Variants in XDH observed in about 807,000 individuals in gnomAD.
XDH encodes xanthine dehydrogenase/oxidase.
XDH carries 138 observed loss-of-function variants against 156.1 expected under a neutral mutation model. The ratio of observed to expected loss-of-function variants is 0.88; its 90% confidence interval spans 0.77 to 1.02. XDH has a LOEUF of 1.02. Among genes scored for constraint, XDH ranks in the 50% least tolerant of loss-of-function variants. The pLI is 0.00. For synonymous variants in XDH, 669 were observed against 625.7 expected, an observed-to-expected ratio of 1.07 and a Z score of -1.03; for missense variants, 1,849 against 1,684.9, an observed-to-expected ratio of 1.10 and a Z score of -1.71.
At chr2:31,413,515 A>G (rs754545995) in intron 1 of XDH, among the ~76,000 whole-genome samples, 18 of 152,212 alleles carry the variant, frequency 1.2e-4, no homozygotes, top group Non-Finnish European at 2.5e-4. Flanking sequence ...ACGTTGAAAC[A>G]GTTCATGAAA....
Position 31,366,118 on chromosome 2 carries a change from G to T in XDH, c.2323-9C>A. ...ATTTTTGCAACAAAGCTCTGTGAGT[G>T]AAAGACAGAACATTCGCACTGAATG... On this transcript the variant is annotated splice_polypyrimidine_tract_variant and intron_variant, in intron 21 of 35. Transcript: ENST00000379416. 6.2e-7 allele frequency: 1 copy of T among 1,614,218 alleles called. No individual in the cohort carries two copies. Among genetic ancestry groups the T allele is most frequent in the Non-Finnish European group, 8.5e-7 (1 of 1,180,046 alleles).
chr2:31,408,164 C>T (rs1369183262), intron 1 of XDH, among the ~76,000 whole-genome samples: 1 of 152,200 alleles, frequency 6.6e-6, no homozygotes, highest in East Asian at 1.9e-4. Flanking sequence ...CTTCTACTTC[C>T]CTGCCAAGCT....
At chr2:31,380,934 T>C (rs886908718) in intron 12 of XDH, among the ~76,000 whole-genome samples, 6 of 152,212 alleles carry the variant, frequency 3.9e-5, no homozygotes, top group African/African-American at 1.4e-4. Flanking sequence ...GTGATGAATT[T>C]TGAGTATTTA....
chr2:31,379,296 G>A (rs1304213291), intron 13 of XDH, among the ~76,000 whole-genome samples: 4 of 152,172 alleles, frequency 2.6e-5, no homozygotes, highest in Admixed American at 1.3e-4. Context: ...AATCCACAGC[G>A]AGGTCAGTGA....
At chr2:31,365,210 A>C (rs569848221) in intron 23 of XDH, among the ~76,000 whole-genome samples, 174 of 152,296 alleles carry the variant, frequency 1.1e-3, no homozygotes, top group Non-Finnish European at 2.2e-3. Flanking sequence ...GCCTGACCAG[A>C]CTCAGAACAC....
At chr2:31,344,149 C>T (rs1328264459) in intron 31 of XDH, among the ~76,000 whole-genome samples, 5 of 152,114 alleles carry the variant, frequency 3.3e-5, no homozygotes, top group East Asian at 1.9e-4. Context: ...AGAAGTCATA[C>T]GCTCTCTTGA....
intron 18 of XDH, among the ~76,000 whole-genome samples, chr2:31,369,681 A>G (rs970604917): frequency 3.9e-5 from 6 of 152,222 alleles, no homozygotes; most frequent in African/African-American, 1.4e-4. Flanking sequence ...AAGTATGTAA[A>G]GCAATTTGTT....
chr2:31,348,720 T>A (rs1221244119), intron 27 of XDH, among the ~76,000 whole-genome samples, 179 bp downstream of exon 27: 1 of 152,244 alleles, frequency 6.6e-6, no homozygotes, highest in African/African-American at 2.4e-5. Context: ...TGAGTCTCAC[T>A]GCCCATGACC....
At chr2:31,353,108 T>C (rs901036563) in intron 24 of XDH, among the ~76,000 whole-genome samples, 2 of 151,916 alleles carry the variant, frequency 1.3e-5, no homozygotes, top group African/African-American at 4.8e-5. Context: ...CTGTAAAAAG[T>C]GGTACCACCA....
chr2:31,341,805 T>A (rs967884872), intron 32 of XDH, among the ~76,000 whole-genome samples: 1 of 152,288 alleles, frequency 6.6e-6, no homozygotes, highest in Non-Finnish European at 1.5e-5. Flanking sequence ...AGGCTAATAA[T>A]TACATTATTA....
chr2:31,352,885 C>CAT (rs1553413027), intron 24 of XDH, among the ~76,000 whole-genome samples: 1 of 140,336 alleles, frequency 7.1e-6, no homozygotes, highest in Admixed American at 7.2e-5. Context: ...AAACTTTAAC[C>CAT]TTTTTTTTTT....
chr2:31,407,946 T>C (rs1002195375), intron 1 of XDH, among the ~76,000 whole-genome samples: 5 of 152,194 alleles, frequency 3.3e-5, no homozygotes, highest in Non-Finnish European at 5.9e-5. Flanking sequence ...TTATCACCTT[T>C]CTTGTAGACA....
chr2:31,383,427 T>G (rs1171772342), intron 10 of XDH, among the ~76,000 whole-genome samples: 3 of 152,074 alleles, frequency 2.0e-5, no homozygotes, highest in Non-Finnish European at 4.4e-5. Context: ...AAAATCAGAA[T>G]CTCTGAAGGT....
intron 1 of XDH, among the ~76,000 whole-genome samples, chr2:31,410,624 A>G (rs1486071894): frequency 6.6e-6 from 1 of 152,234 alleles, no homozygotes; most frequent in African/African-American, 2.4e-5. Context: ...AAAAACAAAC[A>G]TAATGACAGA....
chr2:31,347,252 T>C (rs143805129), intron 29 of XDH, among the ~76,000 whole-genome samples: 1 of 152,184 alleles, frequency 6.6e-6, no homozygotes, highest in African/African-American at 2.4e-5. Flanking sequence ...CACCAGGGAG[T>C]AATTCCAGAA....
At chr2:31,393,932 T>C (rs112326377) in intron 6 of XDH, among the ~76,000 whole-genome samples, 4,324 of 152,104 alleles carry the variant, frequency 0.028, 71 homozygotes, top group Middle Eastern at 0.068. Flanking sequence ...ATATTTCTAA[T>C]TTTTCCCTCT....
chr2:31,358,056 T>A (rs1685672810), intron 24 of XDH, among the ~76,000 whole-genome samples: 1 of 151,942 alleles, frequency 6.6e-6, no homozygotes, highest in African/African-American at 2.4e-5. Flanking sequence ...AACAAGGATA[T>A]CCAGGAATTG....
chr2:31,356,951 T>A (rs1685641955), intron 24 of XDH, among the ~76,000 whole-genome samples: 1 of 152,074 alleles, frequency 6.6e-6, no homozygotes, highest in Admixed American at 6.6e-5. Context: ...CTGGAATATC[T>A]ATAAACACCT....
At chr2:31,345,640 G>A (rs1398155866) in intron 30 of XDH, among the ~76,000 whole-genome samples, 1 of 152,060 alleles carries the variant, frequency 6.6e-6, no homozygotes, top group East Asian at 1.9e-4. Context: ...GAAAGACTTG[G>A]TCCTAAAACC....
Sources: allele counts gnomAD v4.1 joint callset (sites outside exome capture counted in the v4.1 genomes callset), GRCh38; gene constraint gnomAD v4.1.1; transcripts MANE v1.5; gene names NCBI Gene and HGNC (gene_info 2026-07-23, HGNC 2026-07-21).